COL19A1: variants seen among roughly 807,000 people sequenced by gnomAD.
The protein encoded by COL19A1 is collagen type XIX alpha 1 chain, also known as collagen alpha-1(XIX) chain.
In COL19A1, 159 loss-of-function variants were observed where a neutral mutation model predicts 190.2. The observed-to-expected ratio is 0.84, with a 90% confidence interval of 0.73 to 0.95. The LOEUF is 0.95. Among genes scored for constraint, COL19A1 ranks in the 40% least tolerant of loss-of-function variants. COL19A1 has a pLI of 0.00. For missense variants in COL19A1, 1,418 were observed against 1,431.9 expected (o/e 0.99, Z 0.16); for synonymous variants, 509 against 458.9 (o/e 1.11, Z -1.39).
chr6:70,018,941 A>G (rs1295526205), intron 11 of COL19A1, among the ~76,000 whole-genome samples: 1 of 152,056 alleles, frequency 6.6e-6, no homozygotes, highest in East Asian at 1.9e-4. Flanking sequence ...GGCTGAACAA[A>G]CTCTCTGGCT....
At chr6:70,092,329 G>T (rs1481299740) in intron 15 of COL19A1, among the ~76,000 whole-genome samples, 1 of 152,118 alleles carries the variant, frequency 6.6e-6, no homozygotes, top group Non-Finnish European at 1.5e-5. Context: ...CTGGAGTGCT[G>T]AGGTCATCTA....
At chr6:70,160,016 C>T (rs145888399) in intron 34 of COL19A1, among the ~76,000 whole-genome samples, 96 of 152,162 alleles carry the variant, frequency 6.3e-4, no homozygotes, top group African/African-American at 2.2e-3. Context: ...TACAAAAATG[C>T]ACTAAAAGAT....
intron 9 of COL19A1, among the ~76,000 whole-genome samples, chr6:69,941,007 G>A (rs1773430461): frequency 6.6e-6 from 1 of 152,142 alleles, no homozygotes; most frequent in African/African-American, 2.4e-5. Context: ...ACAAAATAAT[G>A]CCTACATAAC....
At chr6:69,937,942 G>A (rs1051680608) in intron 8 of COL19A1, 96 bp from the exon 9 acceptor site, 77 of 1,174,154 alleles carry the variant, frequency 6.6e-5, no homozygotes, top group East Asian at 1.7e-4. Context: ...AGAACAAAGC[G>A]TTATCTTGCT....
At chr6:70,052,522 A>G (rs912711286) in intron 14 of COL19A1, among the ~76,000 whole-genome samples, 1 of 152,182 alleles carries the variant, frequency 6.6e-6, no homozygotes, top group African/African-American at 2.4e-5. Flanking sequence ...GTCCCGGAGT[A>G]TCTTTTTTTC....
chr6:69,993,402 A>G (rs977259370), intron 11 of COL19A1, among the ~76,000 whole-genome samples: 6 of 152,064 alleles, frequency 3.9e-5, no homozygotes, highest in African/African-American at 1.2e-4. Flanking sequence ...CTTCAAGGAT[A>G]TTGACTTGAA....
rs1276499211 is a variant in COL19A1 at position 70,188,202 on chromosome 6, G to A, written c.2984G>A (p.Gly995Asp). The A allele has an allele frequency of 1.9e-6, 3 of 1,612,578 alleles. No individual in the cohort carries two copies. The highest frequency in any genetic ancestry group is 2.5e-6 in the Non-Finnish European group (3 of 1,179,468). The change falls in exon 47 of 51, where the codon GGC becomes GAC. Residue 995 changes from glycine (G) to aspartate (D), a missense_variant. Coordinates refer to ENST00000620364, the MANE Select transcript of COL19A1 (RefSeq NM_001858.6). ...PGNKGSMGSPGHQGPPGSPGI... is the reference protein window; with the variant it reads ...PGNKGSMGSPDHQGPPGSPGI... ...AACAAGGGCTCCATGGGATCCCCTG[G>A]CCACCAAGGCCCTCCAGGCTCTCCA...
chr6:69,933,427 G>A (rs1442707068), intron 7 of COL19A1, among the ~76,000 whole-genome samples: 1 of 152,012 alleles, frequency 6.6e-6, no homozygotes, highest in East Asian at 1.9e-4. Context: ...CTCTCTTCCA[G>A]CAAACACTTT....
At chr6:69,901,352 C>G (rs1181891379) in intron 4 of COL19A1, among the ~76,000 whole-genome samples, 3 of 152,256 alleles carry the variant, frequency 2.0e-5, no homozygotes, top group African/African-American at 4.8e-5. Context: ...TACACTTTTT[C>G]CCTGAGAAAA....
At chr6:70,043,871 A>G (rs1353520493) in intron 14 of COL19A1, among the ~76,000 whole-genome samples, 1 of 152,166 alleles carries the variant, frequency 6.6e-6, no homozygotes, top group Non-Finnish European at 1.5e-5. Context: ...TCCCCTAACT[A>G]GAGAGTTAGT....
In COL19A1 at chr6:70,072,283, A is replaced by C. The variant is rs550771318; in HGVS notation, c.1224+3807A>C. Among the ~76,000 whole-genome samples, 12 of 152,224 alleles carry C rather than the reference A, an allele frequency of 7.9e-5. No individual in the cohort carries two copies. The East Asian group carries it at 2.3e-3, about 29-fold the overall frequency. Reference sequence around the variant, plus strand: ...AACAATAATTTTTATGTAACCTTGAATTTTCATTTTATAGTCACATTAAAT... The same window carrying C: ...AACAATAATTTTTATGTAACCTTGACTTTTCATTTTATAGTCACATTAAAT... On this transcript the variant is annotated intron_variant, in intron 15 of 50. Transcript: ENST00000620364.
chr6:69,896,163 A>G (rs988292057), intron 2 of COL19A1, among the ~76,000 whole-genome samples: 4 of 152,176 alleles, frequency 2.6e-5, no homozygotes, highest in Admixed American at 2.0e-4. Context: ...AAGGGCCATT[A>G]CACCCATTTT....
chr6:70,057,804 A>G (rs867042322), intron 14 of COL19A1, among the ~76,000 whole-genome samples: 1 of 152,094 alleles, frequency 6.6e-6, no homozygotes, highest in Non-Finnish European at 1.5e-5. Context: ...TATTATCTAA[A>G]TTGGATTTTC....
intron 11 of COL19A1, among the ~76,000 whole-genome samples, chr6:69,963,077 T>C (rs977675931): frequency 2.0e-5 from 3 of 152,214 alleles, no homozygotes; most frequent in South Asian, 4.1e-4. Context: ...ATGGTATTAA[T>C]AGTTAGATAT....
At chr6:70,059,815 G>C in intron 14 of COL19A1, 1 of 513,266 alleles carries the variant, frequency 1.9e-6, no homozygotes, top group South Asian at 1.5e-5. Flanking sequence ...ATCTGTATGT[G>C]TGCAAAATTT....
rs780938330 is a variant in COL19A1 at position 70,180,486 on chromosome 6, T to C, written c.2738T>C (p.Ile913Thr). The change falls in exon 44 of 51, where the codon ATA (isoleucine) becomes ACA (threonine). Residue 913 changes from isoleucine to threonine, a missense_variant. By Grantham distance (89) the Ile-to-Thr change is moderately conservative (BLOSUM62 -1). Transcript: ENST00000620364. ...EPGERGPVGDIGFPGPEGPSG... is the reference protein window; with the variant it reads ...EPGERGPVGDTGFPGPEGPSG... ...GGTGAGAGAGGACCTGTTGGAGATA[T>C]AGGTTTCCCTGGACCAGAAGGACCC... 8.7e-6 allele frequency: 14 copies of C among 1,614,022 alleles called. No individual in the cohort carries two copies. The highest frequency in any genetic ancestry group is 1.6e-4 in the Middle Eastern group (1 of 6,084).
chr6:70,068,513 CT>C, intron 15 of COL19A1, 37 bp downstream of exon 15: 1 of 1,341,066 alleles, frequency 7.5e-7, no homozygotes, highest in Non-Finnish European at 1.1e-6. Flanking sequence ...GCATTACTAA[CT>C]TAGGGGATAC....
chr6:70,167,612 G>T (rs533997025), intron 37 of COL19A1, among the ~76,000 whole-genome samples: 83 of 152,240 alleles, frequency 5.5e-4, no homozygotes, highest in African/African-American at 1.9e-3. Flanking sequence ...TAGCCAAATT[G>T]TTCCCTATTC....
chr6:69,993,927 T>C (rs943630798), intron 11 of COL19A1, among the ~76,000 whole-genome samples: 5 of 151,660 alleles, frequency 3.3e-5, no homozygotes, highest in African/African-American at 4.9e-5. Flanking sequence ...ATCTTTTGTA[T>C]GTTTTTTTTT....
Sources: gnomAD v4.1 joint callset for allele counts (sites outside exome capture counted in the v4.1 genomes callset) on GRCh38, gnomAD v4.1.1 for gene constraint, MANE v1.5 for transcripts, NCBI Gene and HGNC (gene_info 2026-07-23, HGNC 2026-07-21) for gene names.